LPIN1: variants seen among roughly 807,000 people sequenced by gnomAD.
The protein encoded by LPIN1 is lipin 1, also known as phosphatidate phosphatase LPIN1.
LPIN1 carries 71 observed loss-of-function variants against 107.5 expected under a neutral mutation model. The observed-to-expected ratio is 0.66, with a 90% CI of 0.55 to 0.80. The LOEUF is 0.80. Ranked by LOEUF, LPIN1 falls within the 30% of genes least tolerant of loss-of-function variation. LPIN1 has a pLI of 0.00. For missense variants in LPIN1, 1,043 were observed against 1,160.6 expected (o/e 0.90, Z 1.47); for synonymous variants, 445 against 452.6 (o/e 0.98, Z 0.21).
rs1158188321 is a variant in LPIN1, at chr2:11,825,349, T to G, written c.*558T>G. On this transcript the variant is annotated 3_prime_UTR_variant, in exon 21 of 21. Transcript: ENST00000674199. The surrounding 1 kb of genome is among the most constrained non-coding windows in gnomAD (Gnocchi z 4.1). ...GACGCCACCGGGTCCAGGCCTGGCC[T>G]CAGACTTGGCCTTGTGGATGGGCCC... The G allele has an allele frequency of 6.4e-6, 1 of 156,936 alleles. No individual in the cohort carries two copies. The highest frequency in any genetic ancestry group is 2.4e-5 in the African/African-American group (1 of 41,502). 9.7% of individuals were successfully genotyped at this position (156,936 alleles called of 1,614,324 possible).
chr2:11,763,542 C>A (rs939120589), intron 1 of LPIN1, among the ~76,000 whole-genome samples: 3 of 152,190 alleles, frequency 2.0e-5, no homozygotes, highest in Non-Finnish European at 4.4e-5. Context: ...CCTTTCCAGG[C>A]GGGGAAGGAA....
chr2:11,794,226 C>G (rs754147078), intron 13 of LPIN1, among the ~76,000 whole-genome samples: 1 of 152,170 alleles, frequency 6.6e-6, no homozygotes, highest in South Asian at 2.1e-4. Context: ...GGTTTTCTTA[C>G]TAGAGAGCAG....
intron 1 of LPIN1, among the ~76,000 whole-genome samples, chr2:11,686,685 C>T (rs1662021840): frequency 6.6e-6 from 1 of 152,204 alleles, no homozygotes; most frequent in Non-Finnish European, 1.5e-5. Context: ...AACGAGATGC[C>T]TGTGGCTGTG....
intron 13 of LPIN1, 109 bp downstream of exon 13, chr2:11,792,115 T>C: frequency 1.1e-6 from 1 of 889,634 alleles, no homozygotes; most frequent in Non-Finnish European, 1.8e-6. Context: ...GCCCTAGTGC[T>C]GAGTTTCCAT....
chr2:11,723,019 T>G (rs1409254475), upstream of LPIN1, among the ~76,000 whole-genome samples: 1 of 152,236 alleles, frequency 6.6e-6, no homozygotes, highest in Non-Finnish European at 1.5e-5. Flanking sequence ...TGTAGGACTC[T>G]GCAGTGAACA....
intron 1 of LPIN1, among the ~76,000 whole-genome samples, chr2:11,761,011 C>G (rs1049281318): frequency 1.3e-5 from 2 of 152,196 alleles, no homozygotes; most frequent in Non-Finnish European, 2.9e-5. Flanking sequence ...CAGAGAGCCC[C>G]TCTTCACCAG....
chr2:11,727,979 T>C (rs1374362759), intron 1 of LPIN1, among the ~76,000 whole-genome samples: 1 of 152,226 alleles, frequency 6.6e-6, no homozygotes. Flanking sequence ...ACAGTTTTTT[T>C]GTCTTCTGCA....
chr2:11,689,505 A>G (rs1662167260), intron 1 of LPIN1, among the ~76,000 whole-genome samples: 1 of 152,222 alleles, frequency 6.6e-6, no homozygotes, highest in Admixed American at 6.5e-5. Context: ...TGTTGAATTT[A>G]TAATTTTAAA....
At position 11,773,800 on chromosome 2, in the gene LPIN1, G is replaced by T. The variant is rs1259725779; in HGVS notation, c.722+55G>T. 48 of 1,584,236 alleles carry T rather than the reference G, an allele frequency of 3.0e-5. No individual in the cohort carries two copies. The Admixed American group carries it at 5.1e-4, about 17-fold the overall frequency. ...TGCAGAGGCTTAGAAGTCAGTGATA[G>T]GAAGCAATTCTAAGAAAAGAATGAA... is the stretch of plus-strand genomic sequence containing the variant. On this transcript the variant is annotated intron_variant, in intron 5 of 20. Coordinates refer to ENST00000674199, the MANE Select transcript of LPIN1 (RefSeq NM_001349206.2).
intron 2 of LPIN1, among the ~76,000 whole-genome samples, chr2:11,719,187 T>C (rs1158580560): frequency 1.3e-5 from 2 of 152,242 alleles, no homozygotes; most frequent in African/African-American, 2.4e-5. Flanking sequence ...TCTATTCCCT[T>C]CATTATTTTT....
intron 17 of LPIN1, among the ~76,000 whole-genome samples, chr2:11,813,113 G>A (rs562055214): frequency 6.6e-6 from 1 of 152,266 alleles, no homozygotes; most frequent in East Asian, 1.9e-4. Context: ...GTGTGGTTTT[G>A]GAGGTACCCA....
intron 1 of LPIN1, among the ~76,000 whole-genome samples, chr2:11,759,133 T>TTTTC (rs201897285): frequency 0.15 from 19,399 of 131,268 alleles, 1,517 homozygotes; most frequent in East Asian, 0.18. Context: ...GCTTTCTTTC[T>TTTTC]TTTCTTTCTT....
At position 11,824,620 on chromosome 2, in the gene LPIN1, C is replaced by CT. The variant is rs749327159; in HGVS notation, c.2622-9dup. 2.9e-5 allele frequency: 46 copies of CT among 1,613,960 alleles called. No homozygotes were observed. The highest frequency in any genetic ancestry group is 3.7e-5 in the Non-Finnish European group (44 of 1,180,020). On this transcript the variant is annotated splice_polypyrimidine_tract_variant and intron_variant, in intron 20 of 20. Transcript: ENST00000674199. ...TCGCTCAGTGCCAGTGACAATGTCC[C>CT]TTTCCTTCCAGGTATGTGAGACTCT... is the stretch of plus-strand genomic sequence containing the variant.
chr2:11,704,299 A>T (rs563874281), intron 1 of LPIN1, among the ~76,000 whole-genome samples: 10 of 152,358 alleles, frequency 6.6e-5, no homozygotes, highest in Admixed American at 6.5e-4. Flanking sequence ...ATATGCACAC[A>T]CATGCATCTC....
intron 20 of LPIN1, among the ~76,000 whole-genome samples, chr2:11,823,708 G>A (rs1449221372): frequency 6.6e-6 from 1 of 152,160 alleles, no homozygotes; most frequent in Non-Finnish European, 1.5e-5. Flanking sequence ...GGAGGTGCCT[G>A]GAGGTCTGAA....
chr2:11,762,482 C>T (rs1434171455), intron 1 of LPIN1, among the ~76,000 whole-genome samples: 1 of 152,110 alleles, frequency 6.6e-6, no homozygotes, highest in Admixed American at 6.5e-5. Flanking sequence ...ACTCTCATTA[C>T]AGATTTGTTC....
At chr2:11,785,204 A>G in intron 10 of LPIN1, 128 bp downstream of exon 10, 1 of 699,946 alleles carries the variant, frequency 1.4e-6, no homozygotes, top group Non-Finnish European at 2.3e-6. Flanking sequence ...AGCACAGATG[A>G]TAGCACCGAA....
chr2:11,727,382 C>T (rs1162885175), intron 1 of LPIN1, among the ~76,000 whole-genome samples: 2 of 152,134 alleles, frequency 1.3e-5, no homozygotes, highest in East Asian at 3.8e-4. Context: ...TCTTTGCTCG[C>T]TTGTTTCTTT....
intron 1 of LPIN1, among the ~76,000 whole-genome samples, chr2:11,683,688 G>A (rs372817265): frequency 5.3e-5 from 8 of 152,186 alleles, no homozygotes; most frequent in South Asian, 2.1e-4. Flanking sequence ...TGCTGTGGTC[G>A]TCGAGGTAAG....
Sources: gnomAD v4.1 joint callset for allele counts (sites outside exome capture counted in the v4.1 genomes callset) on GRCh38, gnomAD v4.1.1 for gene constraint, Gnocchi (gnomAD v3.1) non-coding constraint, MANE v1.5 for transcripts, NCBI Gene and HGNC (gene_info 2026-07-23, HGNC 2026-07-21) for gene names.